LCMT1: variants seen among roughly 807,000 people sequenced by gnomAD.
The protein encoded by LCMT1 is leucine carboxyl methyltransferase 1, also known as [Phosphatase 2A protein]-leucine-carboxy methyltransferase 1.
In LCMT1, 32 loss-of-function variants were observed where a neutral mutation model predicts 47.7. The ratio of observed to expected loss-of-function variants is 0.67; its 90% CI spans 0.51 to 0.90. The LOEUF is 0.90. Among genes scored for constraint, LCMT1 ranks in the 40% least tolerant of loss-of-function variants. LCMT1 has a pLI of 0.00. For synonymous variants in LCMT1, 152 were observed against 149.7 expected (o/e 1.02, Z -0.11); for missense variants, 375 against 415.2 (o/e 0.90, Z 0.84).
chr16:25,154,307 G>A (rs1428674926), intron 5 of LCMT1, among the ~76,000 whole-genome samples: 1 of 151,850 alleles, frequency 6.6e-6, no homozygotes, highest in African/African-American at 2.4e-5. Context: ...CACTGGGCCT[G>A]GCTGATGCCC....
At chr16:25,168,211 G>A (rs115230091) in intron 7 of LCMT1, among the ~76,000 whole-genome samples, 1 of 151,788 alleles carries the variant, frequency 6.6e-6, no homozygotes, top group African/African-American at 2.4e-5. Flanking sequence ...ACTGCGCCTG[G>A]CTGATTTTTG....
chr16:25,128,277 G>T (rs1960245870), intron 1 of LCMT1, among the ~76,000 whole-genome samples, 198 bp from the exon 2 acceptor site: 1 of 152,212 alleles, frequency 6.6e-6, no homozygotes, highest in Non-Finnish European at 1.5e-5. Flanking sequence ...GTGATGGGTG[G>T]TGTAACGTGA....
At chr16:25,119,400 A>G (rs1282582548) in intron 1 of LCMT1, among the ~76,000 whole-genome samples, 1 of 152,142 alleles carries the variant, frequency 6.6e-6, no homozygotes, top group African/African-American at 2.4e-5. Flanking sequence ...GATACTGAGC[A>G]CAGACCATTC....
At chr16:25,160,474 A>G (rs1254538948) in intron 5 of LCMT1, among the ~76,000 whole-genome samples, 1 of 152,232 alleles carries the variant, frequency 6.6e-6, no homozygotes, top group African/African-American at 2.4e-5. Context: ...TTTTTAAAAC[A>G]TAACACAAAT....
intron 1 of LCMT1, among the ~76,000 whole-genome samples, chr16:25,116,796 G>C (rs927618385): frequency 3.3e-5 from 5 of 151,868 alleles, no homozygotes; most frequent in African/African-American, 1.2e-4. Flanking sequence ...TGGGGCTGGT[G>C]TGGGAGATCA....
intron 1 of LCMT1, among the ~76,000 whole-genome samples, chr16:25,117,717 G>C (rs1284193838): frequency 6.6e-6 from 1 of 152,100 alleles, no homozygotes; most frequent in Non-Finnish European, 1.5e-5. Context: ...GCTGGGCGTG[G>C]TGGTGTGCGC....
chr16:25,165,432 A>G (rs1456962505), intron 7 of LCMT1, among the ~76,000 whole-genome samples: 3 of 152,066 alleles, frequency 2.0e-5, no homozygotes, highest in South Asian at 4.1e-4. Flanking sequence ...TTGGGAGTCC[A>G]TTCTCTGGAG....
At chr16:25,164,554 TTGA>T (rs1355788724) in intron 6 of LCMT1, 41 bp from the exon 7 acceptor site, 2 of 1,613,216 alleles carry the variant, frequency 1.2e-6, no homozygotes, top group East Asian at 2.2e-5. Flanking sequence ...GGGTCCTGAC[TTGA>T]TGATAACAAA....
At chr16:25,114,782 G>T (rs1959735907) in intron 1 of LCMT1, among the ~76,000 whole-genome samples, 1 of 152,098 alleles carries the variant, frequency 6.6e-6, no homozygotes, top group South Asian at 2.1e-4. Flanking sequence ...CATGCCCTGT[G>T]TATCTCAGGA....
chr16:25,163,099 C>T (rs72771313), intron 6 of LCMT1, among the ~76,000 whole-genome samples: 4 of 152,334 alleles, frequency 2.6e-5, no homozygotes, highest in African/African-American at 4.8e-5. Flanking sequence ...TGAGCCCAAG[C>T]GATCTAACTG....
intron 9 of LCMT1, 118 bp downstream of exon 9, chr16:25,170,923 A>AAAAC (rs1055642458): frequency 1.4e-6 from 1 of 716,474 alleles, no homozygotes; most frequent in Non-Finnish European, 2.3e-6. Context: ...TAAAAAACAA[A>AAAAC]AAACAAACAA....
intron 3 of LCMT1, among the ~76,000 whole-genome samples, chr16:25,134,049 A>AG (rs1367045565): frequency 6.6e-6 from 1 of 151,914 alleles, no homozygotes; most frequent in Non-Finnish European, 1.5e-5. Flanking sequence ...AAAAAAAAAA[A>AG]AAGTCCTCAC....
chr16:25,129,241 TATACCTATGTAAC>T (rs1960281545), intron 2 of LCMT1, among the ~76,000 whole-genome samples: 1 of 151,758 alleles, frequency 6.6e-6, no homozygotes, highest in Admixed American at 6.6e-5. Context: ...ATGGCATATA[TATACCTATGTAAC>T]AAACCTGCAC....
At chr16:25,175,708 G>A (rs1485644909) in intron 10 of LCMT1, among the ~76,000 whole-genome samples, 1 of 152,168 alleles carries the variant, frequency 6.6e-6, no homozygotes, top group Non-Finnish European at 1.5e-5. Context: ...TGGGATTACA[G>A]GCATGAGCCA....
chr16:25,162,137 A>T (rs1362099573), intron 6 of LCMT1, among the ~76,000 whole-genome samples: 1 of 152,208 alleles, frequency 6.6e-6, no homozygotes, highest in East Asian at 1.9e-4. Context: ...CTCCTTGAGA[A>T]GATCTTGCAT....
In LCMT1 at chr16:25,161,151, C is replaced by G; in HGVS notation, c.516C>G (p.Leu172=). Residue 172 remains leucine, a synonymous_variant, in exon 6 of 11, where the codon CTC becomes CTG. Transcript: ENST00000399069. ...SKRYAVIGAD[L]RDLSELEEKL... is the part of the protein sequence containing the mutation. ...GATATGCCGTTATTGGAGCAGATCT[C>G]CGAGACCTGTCTGAACTGGAAGAGA... 6.2e-7 allele frequency: 1 copy of G among 1,611,128 alleles called. No individual in the cohort carries two copies. Among genetic ancestry groups the G allele is most frequent in the Non-Finnish European group, 8.5e-7 (1 of 1,178,864 alleles).
chr16:25,124,555 C>T (rs1454528123), intron 1 of LCMT1, among the ~76,000 whole-genome samples: 4 of 152,194 alleles, frequency 2.6e-5, no homozygotes, highest in Non-Finnish European at 5.9e-5. Flanking sequence ...TAATGCCTGG[C>T]ACATAGTAAG....
chr16:25,133,648 C>T (rs564465028), intron 3 of LCMT1, among the ~76,000 whole-genome samples: 11 of 150,426 alleles, frequency 7.3e-5, no homozygotes, highest in East Asian at 4.0e-4. Flanking sequence ...CTGCCTACCT[C>T]GGCCTCCCAA....
rs1202218932 is a variant in LCMT1, at chr16:25,132,445, A to G, written c.249A>G (p.Ala83=). ...ATGGTGTCAGTCAGCTTATAAAGGCATTTCTACGGAAGACAGAATGTCATT... is the reference window on the plus strand; with the variant it reads ...ATGGTGTCAGTCAGCTTATAAAGGCGTTTCTACGGAAGACAGAATGTCATT... The part of the protein sequence containing the change: ...RVHGVSQLIK[A]FLRKTECHCQ... The change falls in exon 3 of 11, where the codon GCA becomes GCG. Residue 83 remains alanine (A), a synonymous_variant. Coordinates refer to ENST00000399069, the MANE Select transcript of LCMT1 (RefSeq NM_016309.3). 6.8e-6 allele frequency: 11 copies of G among 1,613,858 alleles called. No individual in the cohort carries two copies. The East Asian group carries it at 2.0e-4, about 29-fold the overall frequency.
Sources: gnomAD v4.1 joint callset for allele counts (sites outside exome capture counted in the v4.1 genomes callset) on GRCh38, gnomAD v4.1.1 for gene constraint, MANE v1.5 for transcripts, NCBI Gene and HGNC (gene_info 2026-07-23, HGNC 2026-07-21) for gene names.